The following ZBTB20 variants were observed in gnomAD, a reference collection of about 807,000 sequenced individuals.
The protein encoded by ZBTB20 is zinc finger and BTB domain-containing protein 20.
ZBTB20 carries 9 observed loss-of-function variants against 56.9 expected under a neutral mutation model. That is an observed-to-expected ratio of 0.16 (90% CI 0.10 to 0.28). ZBTB20 has a LOEUF of 0.28. ZBTB20 is among the 10% of genes least tolerant of loss of function. ZBTB20 has a pLI of 1.00. For synonymous variants in ZBTB20, 417 were observed against 420.7 expected (o/e 0.99, Z 0.11); for missense variants, 655 against 1,003.0 (o/e 0.65, Z 4.69).
chr3:114,586,216 C>T (rs2055160623), intron 6 of ZBTB20, among the ~76,000 whole-genome samples: 1 of 152,182 alleles, frequency 6.6e-6, no homozygotes, highest in African/African-American at 2.4e-5. Flanking sequence ...CAGTGTCACA[C>T]AAAAGCACTC....
At chr3:114,802,162 C>T (rs948410379) in intron 4 of ZBTB20, among the ~76,000 whole-genome samples, 3 of 151,712 alleles carry the variant, frequency 2.0e-5, no homozygotes, top group African/African-American at 4.8e-5. Context: ...TAATATAATT[C>T]GCTTTCATTC....
chr3:114,453,203 G>C (rs983481047), intron 7 of ZBTB20, among the ~76,000 whole-genome samples: 10 of 152,112 alleles, frequency 6.6e-5, no homozygotes, highest in African/African-American at 2.4e-4. Flanking sequence ...AATTGAAATG[G>C]AGAACACAAA....
At chr3:114,580,330 T>A (rs896790139) in intron 6 of ZBTB20, among the ~76,000 whole-genome samples, 1 of 151,714 alleles carries the variant, frequency 6.6e-6, no homozygotes. Flanking sequence ...CTTAGTAAAC[T>A]ATAAATAGTT....
chr3:114,913,155 C>T (rs375911226), intron 3 of ZBTB20, among the ~76,000 whole-genome samples: 2 of 152,116 alleles, frequency 1.3e-5, no homozygotes, highest in East Asian at 3.9e-4. Flanking sequence ...TGAAGAACCT[C>T]CAGGCTGTTC....
In ZBTB20 at chr3:114,351,195, A is replaced by G; in HGVS notation, c.883T>C (p.Ser295Pro). ...PSWITRIHERSQQMERYLSTT... is the reference protein window; with the variant it reads ...PSWITRIHERPQQMERYLSTT... ...GACAGGTAGCGCTCCATCTGCTGCG[A>G]GCGCTCATGGATGCGTGTGATCCAG... The change falls in exon 11 of 12, where the codon TCG becomes CCG. Residue 295 changes from serine (S) to proline (P), a missense_variant. By Grantham distance (74) the Ser-to-Pro change is moderately conservative. This residue lies in a region of ZBTB20 where 167 missense variants were observed against 281.9 expected (regional missense o/e 0.59). Coordinates refer to ENST00000675478, the MANE Select transcript of ZBTB20 (RefSeq NM_001348800.3). 6.2e-7 allele frequency: 1 copy of G among 1,601,448 alleles called. No homozygotes were observed. The highest frequency in any genetic ancestry group is 8.5e-7 in the Non-Finnish European group (1 of 1,179,638).
At chr3:114,612,213 C>A (rs1183317035) in intron 6 of ZBTB20, among the ~76,000 whole-genome samples, 1 of 152,184 alleles carries the variant, frequency 6.6e-6, no homozygotes, top group African/African-American at 2.4e-5. Flanking sequence ...ATTAATCAAG[C>A]CTTCTATACT....
intron 1 of ZBTB20, among the ~76,000 whole-genome samples, chr3:115,077,510 C>T (rs531869170): frequency 2.2e-4 from 34 of 152,304 alleles, no homozygotes; most frequent in South Asian, 8.3e-4. Context: ...TCCAGAACTA[C>T]GAGTAATAAA....
chr3:114,466,194 C>T (rs2109195854), intron 7 of ZBTB20, among the ~76,000 whole-genome samples: 1 of 152,084 alleles, frequency 6.6e-6, no homozygotes, highest in East Asian at 1.9e-4. Flanking sequence ...TATATATATC[C>T]CATATATGTA....
chr3:114,923,328 G>A (rs1262291331), intron 3 of ZBTB20, among the ~76,000 whole-genome samples: 3 of 152,102 alleles, frequency 2.0e-5, no homozygotes, highest in Admixed American at 6.6e-5. Flanking sequence ...TTTGTCTTAC[G>A]AAGCTACAGT....
At chr3:114,750,510 C>T (rs1380730721) in intron 5 of ZBTB20, among the ~76,000 whole-genome samples, 6 of 152,082 alleles carry the variant, frequency 3.9e-5, no homozygotes, top group Admixed American at 1.3e-4. Context: ...TTAAGTAGTA[C>T]GATCCAAGGT....
chr3:114,544,329 A>C (rs1303224534), intron 6 of ZBTB20, among the ~76,000 whole-genome samples: 1 of 152,210 alleles, frequency 6.6e-6, no homozygotes, highest in Non-Finnish European at 1.5e-5. Context: ...GATTTGAAGA[A>C]CAAATCTATT....
intron 2 of ZBTB20, among the ~76,000 whole-genome samples, chr3:115,058,880 T>G (rs764326381): frequency 5.9e-5 from 9 of 152,214 alleles, no homozygotes; most frequent in Non-Finnish European, 1.2e-4. Context: ...TTTCTCAGAT[T>G]GTGTGTGTGC....
At chr3:115,015,569 G>C (rs1220567251) in intron 2 of ZBTB20, among the ~76,000 whole-genome samples, 1 of 151,770 alleles carries the variant, frequency 6.6e-6, no homozygotes, top group African/African-American at 2.4e-5. Context: ...AATATGTGTT[G>C]TTTGGTTCTC....
intron 7 of ZBTB20, among the ~76,000 whole-genome samples, chr3:114,494,142 A>AATTT (rs1315788006): frequency 6.6e-6 from 1 of 152,246 alleles, no homozygotes; most frequent in Non-Finnish European, 1.5e-5. Context: ...CCAGTATCTA[A>AATTT]AGCAAGGCAA....
At chr3:114,960,360 T>C (rs1192383352) in intron 3 of ZBTB20, among the ~76,000 whole-genome samples, 1 of 152,226 alleles carries the variant, frequency 6.6e-6, no homozygotes, top group Non-Finnish European at 1.5e-5. Flanking sequence ...ACTGCACATA[T>C]TTATATTTCA....
intron 3 of ZBTB20, among the ~76,000 whole-genome samples, chr3:114,973,977 A>G (rs1319536467): frequency 6.6e-6 from 1 of 151,952 alleles, no homozygotes; most frequent in Non-Finnish European, 1.5e-5. Context: ...CTTCCTCAGG[A>G]GAAATTGTTA....
At chr3:114,401,771 A>T (rs1413341736) in intron 7 of ZBTB20, among the ~76,000 whole-genome samples, 1 of 152,160 alleles carries the variant, frequency 6.6e-6, no homozygotes, top group Non-Finnish European at 1.5e-5. Context: ...ATAATAGGAG[A>T]GGCTGAAAAA....
chr3:115,022,118 T>A (rs1197776533), intron 2 of ZBTB20, among the ~76,000 whole-genome samples: 1 of 150,632 alleles, frequency 6.6e-6, no homozygotes, highest in Non-Finnish European at 1.5e-5. Context: ...AATTCCTAAA[T>A]TTTGAAAATT....
chr3:114,702,691 A>G (rs895392266), intron 5 of ZBTB20, among the ~76,000 whole-genome samples: 22 of 139,334 alleles, frequency 1.6e-4, no homozygotes, highest in Admixed American at 7.1e-4. Context: ...GTGTGTGTGT[A>G]TGTAAAGATA....
Sources: allele counts gnomAD v4.1 joint callset (sites outside exome capture counted in the v4.1 genomes callset), GRCh38; gene constraint gnomAD v4.1.1; regional missense constraint gnomAD v4.1.1; transcripts MANE v1.5; gene names NCBI Gene and HGNC (gene_info 2026-07-23, HGNC 2026-07-21).